DIAPH3: variants seen among roughly 807,000 people sequenced by gnomAD.
DIAPH3 encodes diaphanous related formin 3, also known as protein diaphanous homolog 3.
A neutral mutation model predicts 144.3 loss-of-function variants in DIAPH3; 117 were observed. The ratio of observed to expected loss-of-function variants is 0.81; its 90% CI spans 0.70 to 0.95. The LOEUF is 0.95. Ranked by LOEUF, DIAPH3 falls within the 40% of genes least tolerant of loss-of-function variation. The pLI is 0.00. For missense variants in DIAPH3, 1,421 were observed against 1,412.7 expected, an observed-to-expected ratio of 1.01 and a Z score of -0.09; for synonymous variants, 519 against 488.9, an observed-to-expected ratio of 1.06 and a Z score of -0.81.
chr13:59,942,114 T>A (rs2140387970), intron 17 of DIAPH3, among the ~76,000 whole-genome samples: 1 of 152,308 alleles, frequency 6.6e-6, no homozygotes, highest in Non-Finnish European at 1.5e-5. Flanking sequence ...TCCTCAAATT[T>A]GAGCAAATAT....
intron 22 of DIAPH3, among the ~76,000 whole-genome samples, chr13:59,853,280 T>C (rs761057459): frequency 2.0e-5 from 3 of 152,222 alleles, no homozygotes; most frequent in Non-Finnish European, 2.9e-5. Flanking sequence ...GTTATTGCTG[T>C]TATCATGGCC....
At chr13:60,042,662 C>A (rs377147687) in intron 5 of DIAPH3, 28 bp downstream of exon 5, 1 of 1,612,774 alleles carries the variant, frequency 6.2e-7, no homozygotes. Flanking sequence ...TGACATCTGC[C>A]CTGTTGGTGT....
At chr13:60,082,894 T>C (rs946307562) in intron 4 of DIAPH3, among the ~76,000 whole-genome samples, 2 of 152,208 alleles carry the variant, frequency 1.3e-5, no homozygotes, top group East Asian at 1.9e-4. Context: ...AGGACAAAAA[T>C]AGCAGTTGGA....
intron 25 of DIAPH3, among the ~76,000 whole-genome samples, chr13:59,786,398 C>G (rs1051036083): frequency 6.6e-6 from 1 of 152,096 alleles, no homozygotes; most frequent in Non-Finnish European, 1.5e-5. Context: ...TAACTATATA[C>G]ACAACCAGGA....
chr13:59,666,898 C>T, intron 27 of DIAPH3, 52 bp from the exon 28 acceptor site: 1 of 1,598,856 alleles, frequency 6.3e-7, no homozygotes, highest in Non-Finnish European at 8.6e-7. Context: ...TAACCAAGGA[C>T]TGTGCACGTT....
chr13:59,782,219 C>T (rs1427672734), intron 25 of DIAPH3, among the ~76,000 whole-genome samples: 1 of 151,904 alleles, frequency 6.6e-6, no homozygotes, highest in Non-Finnish European at 1.5e-5. Flanking sequence ...AAACACTGGC[C>T]ATTCTGTTGG....
chr13:60,030,112 A>T lies in DIAPH3; in HGVS notation c.626+12578T>A, dbSNP rs948542733. On this transcript the variant is annotated intron_variant, in intron 5 of 27. Transcript: ENST00000400324. ...GACTTTCTATAATCAGCTAAATCAA[A>T]AAACCTCTCCATTAATTACTCTCAG... Among the ~76,000 whole-genome samples the T allele has an allele frequency of 3.3e-5, 5 of 152,144 alleles. No homozygotes were observed. The South Asian group carries it at 1.0e-3, about 32-fold the overall frequency.
At chr13:59,681,133 A>T (rs982271366) in intron 27 of DIAPH3, among the ~76,000 whole-genome samples, 3 of 152,106 alleles carry the variant, frequency 2.0e-5, no homozygotes, top group Non-Finnish European at 4.4e-5. Flanking sequence ...TGTCTTTCCA[A>T]TGAGGTTTAT....
At chr13:59,813,619 G>C (rs1481031132) in intron 24 of DIAPH3, among the ~76,000 whole-genome samples, 1 of 152,044 alleles carries the variant, frequency 6.6e-6, no homozygotes, top group African/African-American at 2.4e-5. Context: ...ACTTTCGGAG[G>C]CCAAGGCGGG....
chr13:59,757,245 C>T (rs2037325801), intron 27 of DIAPH3, among the ~76,000 whole-genome samples: 1 of 151,834 alleles, frequency 6.6e-6, no homozygotes, highest in Non-Finnish European at 1.5e-5. Flanking sequence ...CCACCCAGAC[C>T]AGTGAGGCAA....
At chr13:59,920,597 T>C (rs1263790170) in intron 18 of DIAPH3, among the ~76,000 whole-genome samples, 3 of 151,298 alleles carry the variant, frequency 2.0e-5, no homozygotes, top group Non-Finnish European at 4.4e-5. Flanking sequence ...CATCTAAATA[T>C]ACAAAGAAAA....
At chr13:59,896,122 C>T (rs1027518241) in intron 20 of DIAPH3, among the ~76,000 whole-genome samples, 9 of 152,166 alleles carry the variant, frequency 5.9e-5, no homozygotes, top group African/African-American at 2.2e-4. Flanking sequence ...TCCGCAGTTT[C>T]AATCTTTCTC....
chr13:60,071,271 C>T (rs1044179755), intron 4 of DIAPH3, among the ~76,000 whole-genome samples: 3 of 152,166 alleles, frequency 2.0e-5, no homozygotes, highest in Admixed American at 6.6e-5. Flanking sequence ...TTTCTGATTG[C>T]TGTACTCCTC....
intron 22 of DIAPH3, among the ~76,000 whole-genome samples, chr13:59,853,028 C>A (rs2043066255): frequency 6.6e-6 from 1 of 152,132 alleles, no homozygotes; most frequent in Admixed American, 6.5e-5. Context: ...ATCCTCACAA[C>A]AAACATCTGG....
chr13:60,118,608 T>C (rs2058757022), intron 2 of DIAPH3, among the ~76,000 whole-genome samples: 1 of 152,112 alleles, frequency 6.6e-6, no homozygotes, highest in Non-Finnish European at 1.5e-5. Flanking sequence ...TAAGAGGGGG[T>C]AAAAACCTAA....
intron 20 of DIAPH3, among the ~76,000 whole-genome samples, chr13:59,901,363 C>A (rs944038596): frequency 6.6e-6 from 1 of 152,216 alleles, no homozygotes; most frequent in Non-Finnish European, 1.5e-5. Flanking sequence ...TCCCTCAAGG[C>A]CTTGCTGTTT....
chr13:60,051,578 C>G (rs193149204), intron 4 of DIAPH3, among the ~76,000 whole-genome samples: 1 of 152,192 alleles, frequency 6.6e-6, no homozygotes, highest in East Asian at 1.9e-4. Context: ...TAAGATCACA[C>G]CATTGCACTC....
chr13:59,766,006 C>T (rs781013502), intron 27 of DIAPH3, among the ~76,000 whole-genome samples: 27 of 152,166 alleles, frequency 1.8e-4, no homozygotes, highest in Admixed American at 9.2e-4. Context: ...CACTGGTGAA[C>T]CACACATTGT....
At chr13:60,142,815 T>C (rs962713714) in intron 1 of DIAPH3, among the ~76,000 whole-genome samples, 3 of 152,152 alleles carry the variant, frequency 2.0e-5, no homozygotes, top group African/African-American at 7.2e-5. Context: ...TGGAATGCAA[T>C]GGAGGGATCA....
Sources: allele counts gnomAD v4.1 joint callset (sites outside exome capture counted in the v4.1 genomes callset), GRCh38; gene constraint gnomAD v4.1.1; transcripts MANE v1.5; gene names NCBI Gene and HGNC (gene_info 2026-07-23, HGNC 2026-07-21).